Variants in NSMAF observed in about 807,000 individuals in gnomAD.
The protein encoded by NSMAF is protein FAN.
NSMAF carries 90 observed loss-of-function variants against 134.9 expected under a neutral mutation model. The ratio of observed to expected loss-of-function variants is 0.67; its 90% CI spans 0.56 to 0.79. The LOEUF is 0.79. Ranked by LOEUF, NSMAF falls within the 30% of genes least tolerant of loss-of-function variation. The pLI, the probability that NSMAF is intolerant of heterozygous loss-of-function variation, is 0.00. For missense variants in NSMAF, 1,010 were observed against 1,119.0 expected (o/e 0.90, Z 1.39); for synonymous variants, 358 against 389.6 (o/e 0.92, Z 0.96).
At chr8:58,596,021 C>T (rs11994937) in intron 21 of NSMAF, 5,732 of 204,394 alleles carry the variant, frequency 0.028, 164 homozygotes, top group East Asian at 0.074. Flanking sequence ...CAATTTTGTT[C>T]TGGTGTGGGG....
At chr8:58,599,663 T>A in intron 18 of NSMAF, 87 bp downstream of exon 18, 2 of 1,445,636 alleles carry the variant, frequency 1.4e-6, no homozygotes, top group Admixed American at 2.1e-5. Flanking sequence ...TTGTGATTTT[T>A]AAAAATCTAA....
intron 27 of NSMAF, among the ~76,000 whole-genome samples, chr8:58,586,997 G>A (rs1460404582): frequency 6.6e-6 from 1 of 152,128 alleles, no homozygotes. Context: ...AATCTCTCGA[G>A]GCTATACTTG....
At chr8:58,612,570 A>G (rs1806553766) in intron 9 of NSMAF, among the ~76,000 whole-genome samples, 1 of 152,134 alleles carries the variant, frequency 6.6e-6, no homozygotes, top group Non-Finnish European at 1.5e-5. Context: ...GTGTTGTGGG[A>G]ATCTCTGATT....
At chr8:58,602,009 CA>C (rs772679036) in intron 14 of NSMAF, 48 bp downstream of exon 14, 37 of 1,427,126 alleles carry the variant, frequency 2.6e-5, no homozygotes, top group Non-Finnish European at 3.6e-5. Flanking sequence ...AAACACAGGC[CA>C]TGGCTTCTCG....
intron 1 of NSMAF, among the ~76,000 whole-genome samples, chr8:58,656,448 A>G (rs1807713438): frequency 6.6e-6 from 1 of 152,248 alleles, no homozygotes; most frequent in Non-Finnish European, 1.5e-5. Flanking sequence ...CAGAAGTCTG[A>G]GAGTAGAATT....
At chr8:58,617,898 C>T (rs1213785956) in intron 9 of NSMAF, among the ~76,000 whole-genome samples, 1 of 152,156 alleles carries the variant, frequency 6.6e-6, no homozygotes, top group Admixed American at 6.5e-5. Flanking sequence ...ATAGCAAAGA[C>T]TTGGAACCAA....
chr8:58,595,897 G>C, intron 21 of NSMAF: 1 of 350,206 alleles, frequency 2.9e-6, no homozygotes, highest in South Asian at 3.6e-5. Flanking sequence ...CTTTAACAAT[G>C]TTTGCAAAGT....
intron 1 of NSMAF, among the ~76,000 whole-genome samples, chr8:58,645,795 C>T (rs1406721113): frequency 1.3e-5 from 2 of 151,970 alleles, no homozygotes; most frequent in Admixed American, 1.3e-4. Context: ...AATCCCAGCA[C>T]TTCGGGAGGC....
intron 18 of NSMAF, 80 bp from the exon 19 acceptor site, chr8:58,599,443 T>A: frequency 6.8e-7 from 1 of 1,463,700 alleles, no homozygotes; most frequent in Non-Finnish European, 9.3e-7. Flanking sequence ...TATATGTATA[T>A]AAAGCTTCTA....
rs79989266 is a variant in NSMAF at position 58,631,777 on chromosome 8, T to A, written c.334-231A>T. ...CATCCAGGCAACAAGATAGCAACAA[T>A]TACAAGATAAATAAATACAGAAGAC... On this transcript the variant is annotated intron_variant, in intron 5 of 30. Coordinates refer to ENST00000038176, the MANE Select transcript of NSMAF (RefSeq NM_003580.4). Among the ~76,000 whole-genome samples, 819 of 152,092 alleles carry A rather than the reference T, an allele frequency of 5.4e-3. 4 individuals carry two copies. The highest frequency in any genetic ancestry group is 0.019 in the African/African-American group (787 of 41,492).
chr8:58,601,260 G>T (rs1806271820), intron 16 of NSMAF, 25 bp downstream of exon 16: 30 of 1,584,180 alleles, frequency 1.9e-5, no homozygotes, highest in Non-Finnish European at 2.6e-5. Context: ...TGTTAAAAAT[G>T]ATAAGCAAGG....
chr8:58,584,864 C>T (rs907581424), intron 30 of NSMAF, among the ~76,000 whole-genome samples: 1 of 152,182 alleles, frequency 6.6e-6, no homozygotes, highest in African/African-American at 2.4e-5. Context: ...GTCTCAAACT[C>T]TTGACCTCCC....
chr8:58,594,322 C>T lies in NSMAF; in HGVS notation c.1893-32G>A, dbSNP rs1806084887. ...AAAAACAAAGTTTCACAAATTACTA[C>T]TCATCATGTGTTAGGATACCCTCTT... On this transcript the variant is annotated intron_variant, in intron 22 of 30. Transcript: ENST00000038176. The T allele has an allele frequency of 3.2e-6, 5 of 1,584,592 alleles. No homozygotes were observed. In the East Asian group the frequency reaches 8.9e-5, roughly 28 times the overall value.
Position 58,659,348 on chromosome 8 carries a change from C to A in NSMAF, c.59+225G>T, listed in dbSNP as rs1807804496. The A allele has an allele frequency of 3.3e-6, 5 of 1,526,816 alleles. No individual in the cohort carries two copies. In the South Asian group the frequency reaches 6.0e-5, roughly 18 times the overall value. 94.6% of individuals were successfully genotyped at this position (1,526,816 alleles called of 1,614,324 possible). ...GTGGAATCTGGCCTGGCCCGTCATC[C>A]AGTTCCTGTCCCCGGCAGGCTCCGG... is the stretch of plus-strand genomic sequence containing the variant. On this transcript the variant is annotated intron_variant, in intron 1 of 30. Coordinates refer to ENST00000038176, the MANE Select transcript of NSMAF (RefSeq NM_003580.4).
rs33942423 is a variant in NSMAF, at chr8:58,601,546, G to GA, written c.1126-12dup. ...TTCCTGGTAGCGTGTCTAGAATACA[G>GA]AAAAAAAAAAAAAATAGAGCTAAGT... On this transcript the variant is annotated splice_polypyrimidine_tract_variant and intron_variant, in intron 14 of 30. Coordinates refer to ENST00000038176, the MANE Select transcript of NSMAF (RefSeq NM_003580.4). 0.091 allele frequency: 126,292 copies of GA among 1,386,626 alleles called. 761 individuals carry two copies. Among genetic ancestry groups the GA allele is most frequent in the African/African-American group, 0.13 (8,490 of 63,494 alleles). 85.9% of individuals were successfully genotyped at this position (1,386,626 alleles called of 1,614,324 possible). A position where few individuals can be genotyped will look rare whatever the true frequency, so the allele number is the denominator to read the frequency against.
chr8:58,596,076 A>T (rs1422105720), intron 21 of NSMAF, among the ~76,000 whole-genome samples: 4 of 152,212 alleles, frequency 2.6e-5, no homozygotes, highest in African/African-American at 7.2e-5. Context: ...GGCTTCTGGC[A>T]GGAGTAATCC....
Position 58,635,319 on chromosome 8 carries a change from A to G in NSMAF, c.282T>C (p.Asn94=), listed in dbSNP as rs1807146113. The G allele has an allele frequency of 3.7e-6, 6 of 1,610,568 alleles. No individual in the cohort carries two copies. The East Asian group carries it at 6.7e-5, about 18-fold the overall frequency. The change falls in exon 4 of 31, where the codon AAT becomes AAC. Residue 94 remains asparagine, a synonymous_variant. Coordinates refer to ENST00000038176, the MANE Select transcript of NSMAF (RefSeq NM_003580.4). ...AAATGACATACTTTGTGAAGTGTCT[A>G]TTGGCTCCATTTTCTCCATGCTTTC... ...KIGKHGENGA[N]RHFTKAKSGG... is the part of the protein sequence containing the mutation.
At chr8:58,645,456 T>C (rs1807425955) in intron 1 of NSMAF, among the ~76,000 whole-genome samples, 1 of 152,092 alleles carries the variant, frequency 6.6e-6, no homozygotes, top group Non-Finnish European at 1.5e-5. Context: ...TGGAAAAAAC[T>C]AAACAGCCTC....
At chr8:58,584,320 A>G in intron 30 of NSMAF, 120 bp from the exon 31 acceptor site, 1 of 704,586 alleles carries the variant, frequency 1.4e-6, no homozygotes, top group Non-Finnish European at 2.5e-6. Context: ...AGTAAGTTCT[A>G]TTTTTTCTTG....
Sources: gnomAD v4.1 joint callset for allele counts (sites outside exome capture counted in the v4.1 genomes callset) on GRCh38, gnomAD v4.1.1 for gene constraint, MANE v1.5 for transcripts, NCBI Gene and HGNC (gene_info 2026-07-23, HGNC 2026-07-21) for gene names.